SHC3: variants seen among roughly 807,000 people sequenced by gnomAD.
The protein encoded by SHC3 is SHC adaptor protein 3, also known as SHC-transforming protein 3.
Under a neutral mutation model 60.4 loss-of-function variants are expected in SHC3, and 15 were observed. The ratio of observed to expected loss-of-function variants is 0.25; its 90% CI spans 0.17 to 0.38. The LOEUF is 0.38. Ranked by LOEUF, SHC3 falls within the 10% of genes least tolerant of loss-of-function variation. SHC3 has a pLI of 1.00. For synonymous variants in SHC3, 294 were observed against 325.9 expected (o/e 0.90, Z 1.05); for missense variants, 677 against 786.1 (o/e 0.86, Z 1.66).
chr9:89,020,080 T>G (rs1587676870), intron 11 of SHC3, among the ~76,000 whole-genome samples: 1 of 152,114 alleles, frequency 6.6e-6, no homozygotes, highest in East Asian at 1.9e-4. Flanking sequence ...ATGTGTATTG[T>G]TTTTAGGTAG....
rs529460557 is a variant in SHC3 at position 89,101,420 on chromosome 9, G to T, written c.545+11136C>A. On this transcript the variant is annotated intron_variant, in intron 2 of 11. Coordinates refer to ENST00000375835, the MANE Select transcript of SHC3 (RefSeq NM_016848.6). ...TTTTCTTGCCTTATTGCATTGACTT[G>T]CCTTGTTCTTGATCTTAAAAGTATT... 6.6e-5 allele frequency among the ~76,000 whole-genome samples: 10 copies of T among 151,878 alleles called. No homozygotes were observed. The South Asian group carries it at 2.1e-3, about 32-fold the overall frequency.
At chr9:89,132,986 G>A (rs1729077488) in intron 1 of SHC3, among the ~76,000 whole-genome samples, 2 of 152,184 alleles carry the variant, frequency 1.3e-5, no homozygotes, top group South Asian at 4.2e-4. Flanking sequence ...TACAGACTGG[G>A]AGAAAATTTT....
At chr9:89,169,464 C>T (rs1159832491) in intron 1 of SHC3, among the ~76,000 whole-genome samples, 2 of 152,200 alleles carry the variant, frequency 1.3e-5, no homozygotes, top group East Asian at 3.9e-4. Context: ...CCCAGACCTG[C>T]ACAATTCTAG....
intron 1 of SHC3, among the ~76,000 whole-genome samples, chr9:89,160,542 G>C (rs1826689500): frequency 6.6e-6 from 1 of 152,106 alleles, no homozygotes; most frequent in African/African-American, 2.4e-5. Flanking sequence ...AAAAATACTT[G>C]TTGATCCATT....
chr9:89,141,953 G>T (rs1419653855), intron 1 of SHC3, among the ~76,000 whole-genome samples: 1 of 152,148 alleles, frequency 6.6e-6, no homozygotes, highest in Non-Finnish European at 1.5e-5. Context: ...GTGGCCATTT[G>T]TCGGTCATAG....
At chr9:89,162,346 T>C (rs560787327) in intron 1 of SHC3, among the ~76,000 whole-genome samples, 229 of 152,142 alleles carry the variant, frequency 1.5e-3, no homozygotes, top group Middle Eastern at 0.01. Context: ...CAAACTATAC[T>C]ACAAGGCTAC....
At chr9:89,167,261 A>T (rs1826802949) in intron 1 of SHC3, among the ~76,000 whole-genome samples, 1 of 152,194 alleles carries the variant, frequency 6.6e-6, no homozygotes, top group Non-Finnish European at 1.5e-5. Flanking sequence ...TGAGGTTCTC[A>T]TCTATTACAG....
At chr9:89,105,636 G>A (rs1825848270) in intron 2 of SHC3, among the ~76,000 whole-genome samples, 1 of 152,176 alleles carries the variant, frequency 6.6e-6, no homozygotes, top group African/African-American at 2.4e-5. Flanking sequence ...CATGGTATGT[G>A]TTTGATAAAT....
At chr9:89,064,304 T>C (rs965839421) in intron 6 of SHC3, among the ~76,000 whole-genome samples, 2 of 152,140 alleles carry the variant, frequency 1.3e-5, no homozygotes, top group African/African-American at 4.8e-5. Flanking sequence ...ATGGTGGAGA[T>C]CTTTTTCTGC....
At chr9:89,038,339 TGA>T in intron 10 of SHC3, 51 bp from the exon 11 acceptor site, 14 of 1,074,598 alleles carry the variant, frequency 1.3e-5, no homozygotes, top group South Asian at 2.6e-5. Flanking sequence ...GAAGAGCAAA[TGA>T]TAAAAAAAAA....
At chr9:89,071,337 A>G in intron 4 of SHC3, 85 bp from the exon 5 acceptor site, 1 of 1,359,712 alleles carries the variant, frequency 7.4e-7, no homozygotes, top group Non-Finnish European at 1.0e-6. Flanking sequence ...GGCAGGCATT[A>G]CAAATTGACA....
At chr9:89,140,130 T>C (rs1033452828) in intron 1 of SHC3, among the ~76,000 whole-genome samples, 2 of 152,240 alleles carry the variant, frequency 1.3e-5, no homozygotes, top group African/African-American at 4.8e-5. Context: ...TAAGCAGTCA[T>C]TGTTTTTAAA....
At chr9:89,088,551 A>C (rs34662008) in intron 2 of SHC3, 1 of 152,268 alleles carries the variant, frequency 6.6e-6, no homozygotes, top group East Asian at 1.9e-4. Context: ...AACACAGAAT[A>C]CAAGAAATCA....
chr9:89,071,629 C>T (rs1825273370), intron 4 of SHC3, among the ~76,000 whole-genome samples: 1 of 152,176 alleles, frequency 6.6e-6, no homozygotes, highest in Admixed American at 6.5e-5. Flanking sequence ...ACATAAGTGA[C>T]TCCATCTTAG....
chr9:89,126,993 A>G lies in SHC3; in HGVS notation c.475-14367T>C, dbSNP rs145746431. ...AGGGAACAGGAATTTTGGAATTCAC[A>G]TCACAGTTAGCCCTAAAAATTGTCT... On this transcript the variant is annotated intron_variant, in intron 1 of 11. Transcript: ENST00000375835. Among the ~76,000 whole-genome samples, 79 of 152,304 alleles carry G rather than the reference A, an allele frequency of 5.2e-4. 1 individual carries two copies. Among genetic ancestry groups the G allele is most frequent in the African/African-American group, 1.9e-3 (77 of 41,562 alleles).
At chr9:89,070,354 C>T (rs1394912310) in intron 5 of SHC3, among the ~76,000 whole-genome samples, 1 of 152,222 alleles carries the variant, frequency 6.6e-6, no homozygotes, top group African/African-American at 2.4e-5. Flanking sequence ...CTGGAAAGGG[C>T]TGACTTGGCT....
intron 11 of SHC3, chr9:89,037,612 A>T (rs1824603680): frequency 1.4e-6 from 1 of 691,558 alleles, no homozygotes; most frequent in South Asian, 1.6e-5. Flanking sequence ...ATCCTCAGTG[A>T]TTCAACTTTT....
In SHC3 at chr9:89,178,790, C is replaced by A; in HGVS notation, c.-330G>T. The A allele has an allele frequency of 4.1e-6, 1 of 243,900 alleles. No individual in the cohort carries two copies. The highest frequency in any genetic ancestry group is 5.6e-5 in the Admixed American group (1 of 17,868). 15.1% of individuals were successfully genotyped at this position (243,900 alleles called of 1,614,324 possible). A position where few individuals can be genotyped will look rare whatever the true frequency, so the allele number is the denominator to read the frequency against. ...GCATGACTCACTCTGAGAGGAGACC[C>A]TTCTCAACAAAGGCTCGGTGAGCAC... On this transcript the variant is annotated 5_prime_UTR_variant, in exon 1 of 12. It adds an upstream start codon to the 5' untranslated region. Transcript: ENST00000375835. This position sits in a 1 kb window ranked among gnomAD's most constrained non-coding sequence, Gnocchi z 6.9.
intron 11 of SHC3, among the ~76,000 whole-genome samples, chr9:89,016,742 T>C (rs1009403178): frequency 2.0e-5 from 3 of 152,314 alleles, no homozygotes; most frequent in Admixed American, 1.3e-4. Flanking sequence ...ATATCTCTTA[T>C]GAACATAGAT....
Sources: allele counts gnomAD v4.1 joint callset (sites outside exome capture counted in the v4.1 genomes callset), GRCh38; gene constraint gnomAD v4.1.1; non-coding constraint Gnocchi (gnomAD v3.1); transcripts MANE v1.5; gene names NCBI Gene and HGNC (gene_info 2026-07-23, HGNC 2026-07-21).